RBBP8NL: variants seen among roughly 807,000 people sequenced by gnomAD.
RBBP8NL encodes RBBP8 N-terminal like, also known as RBBP8 N-terminal-like protein.
RBBP8NL carries 59 observed loss-of-function variants against 62.2 expected under a neutral mutation model. The observed-to-expected ratio is 0.95, with a 90% CI of 0.77 to 1.18. The LOEUF is 1.18. Ranked by LOEUF, RBBP8NL falls within the 50% of genes most tolerant of loss-of-function variation. RBBP8NL has a pLI of 0.00. For missense variants in RBBP8NL, 896 were observed against 899.5 expected (o/e 1.00, Z 0.05); for synonymous variants, 412 against 394.1 (o/e 1.05, Z -0.54).
At position 62,413,977 on chromosome 20, in the gene RBBP8NL, C is replaced by T. The variant is rs760700893; in HGVS notation, c.1374G>A (p.Pro458=). The T allele has an allele frequency of 5.5e-5, 87 of 1,571,260 alleles. No individual in the cohort carries two copies. The highest frequency in any genetic ancestry group is 1.7e-4 in the Middle Eastern group (1 of 5,924). The change falls in exon 10 of 14, where the codon CCG becomes CCA. Residue 458 remains proline, a synonymous_variant. Transcript: ENST00000252998. ...GGCTGAGTGACCCATGCTGGCCGGC[C>T]GGCTTGGGAGTGTCCTGGCCCCGGG... ...GRARGQDTPK[P]AGQHGSLSPA... is the part of the protein sequence containing the mutation.
chr20:62,424,527 T>A (rs1601492238), intron 1 of RBBP8NL, among the ~76,000 whole-genome samples: 1 of 152,206 alleles, frequency 6.6e-6, no homozygotes, highest in South Asian at 2.1e-4. Context: ...GGGGGACTGC[T>A]CCTTAAAACC....
intron 1 of RBBP8NL, among the ~76,000 whole-genome samples, chr20:62,426,862 C>G (rs958148552): frequency 6.6e-6 from 1 of 152,252 alleles, no homozygotes; most frequent in African/African-American, 2.4e-5. Context: ...TCAGGCACAG[C>G]AGCCCTGCAA....
chr20:62,413,016 G>T, intron 11 of RBBP8NL, 116 bp from the exon 12 acceptor site: 1 of 1,215,062 alleles, frequency 8.2e-7, no homozygotes, highest in Non-Finnish European at 1.2e-6. Flanking sequence ...AGGCACGGAG[G>T]GCCAAGTGAC....
chr20:62,418,464 G>GC lies in RBBP8NL; in HGVS notation c.62dup (p.Leu22ProfsTer149). 1 of 1,550,248 alleles carries GC rather than the reference G, an allele frequency of 6.5e-7. No individual in the cohort carries two copies. The highest frequency in any genetic ancestry group is 8.7e-7 in the Non-Finnish European group (1 of 1,146,878). On this transcript the variant is annotated frameshift_variant and splice_region_variant, in exon 3 of 14. Coordinates refer to ENST00000252998, the MANE Select transcript of RBBP8NL (RefSeq NM_080833.3). LOFTEE classifies it high-confidence loss of function. ...TCAGTTCCAGAAGCTTGTTCTGCAG[G>GC]CCTGGGGGAGCAAGCAGAGGGGCGG...
intron 3 of RBBP8NL, among the ~76,000 whole-genome samples, chr20:62,417,556 AAC>A (rs369624380): frequency 2.6e-5 from 1 of 38,786 alleles, no homozygotes; most frequent in African/African-American, 7.3e-5. Context: ...CCGTCCACGC[AAC>A]GCCCCCCCAG....
At chr20:62,411,620 C>T (rs1988436465) in intron 13 of RBBP8NL, among the ~76,000 whole-genome samples, 1 of 152,252 alleles carries the variant, frequency 6.6e-6, no homozygotes, top group African/African-American at 2.4e-5. Context: ...TTCTGGGGCA[C>T]TAGGCACGAG....
chr20:62,421,105 T>TTGGGAGGTTG (rs1259893293), intron 1 of RBBP8NL, among the ~76,000 whole-genome samples: 30 of 152,356 alleles, frequency 2.0e-4, no homozygotes, highest in African/African-American at 7.2e-4. Context: ...GGGATACCGG[T>TTGGGAGGTTG]CAAGTGGCTG....
Position 62,413,882 on chromosome 20 carries a change from G to A in RBBP8NL, c.1469C>T (p.Ala490Val). The change falls in exon 10 of 14, where the codon GCA (alanine) becomes GTA (valine). Residue 490 changes from alanine to valine, a missense_variant. Ala to Val is a moderately conservative substitution (Grantham distance 64, BLOSUM62 0). Transcript: ENST00000252998. ...GGTCCCCTTGGTGCCATTGCTGAGT[G>A]CCTGGGGACTGCGAGTCAGGGGTCC... ...QSGPLTRSPQ[A>V]LSNGTKGTRV... 1.3e-6 allele frequency: 2 copies of A among 1,596,020 alleles called. No homozygotes were observed. The highest frequency in any genetic ancestry group is 1.7e-6 in the Non-Finnish European group (2 of 1,172,084).
At position 62,416,502 on chromosome 20, in the gene RBBP8NL, A is replaced by T. The variant is rs534659537; in HGVS notation, c.313+258T>A. ...GCCTCAGCACTGCAGGACCTTCCGC[A>T]TCTCAGGAAGGAGGCCGCGCCCAGT... On this transcript the variant is annotated intron_variant, in intron 5 of 13. Transcript: ENST00000252998. Among the ~76,000 whole-genome samples the T allele has an allele frequency of 6.6e-5, 10 of 152,294 alleles. No individual in the cohort carries two copies. In the South Asian group the frequency reaches 1.9e-3, roughly 28 times the overall value.
chr20:62,416,925 G>C, intron 4 of RBBP8NL, 53 bp from the exon 5 acceptor site: 1 of 1,352,170 alleles, frequency 7.4e-7, no homozygotes, highest in Middle Eastern at 2.4e-4. Context: ...AGCCACAGAG[G>C]GCCTGGGACA....
rs34446012 is a variant in RBBP8NL, at chr20:62,414,187, T to C, written c.1164A>G (p.Leu388=). Residue 388 remains leucine (L), a synonymous_variant, in exon 10 of 14, where the codon CTA becomes CTG. Transcript: ENST00000252998. ...GGCCCTCAGAGTCTGAGCCGACTGG[T>C]AGGGAGGGCAGCATCTCCCCGGGTG... ...QPTPGEMLPS[L]PVGSDSEGPE... The C allele has an allele frequency of 9.0e-4, 1,447 of 1,609,484 alleles. 22 individuals are homozygous for C. In the African/African-American group the frequency reaches 0.016, roughly 18 times the overall value.
intron 1 of RBBP8NL, among the ~76,000 whole-genome samples, chr20:62,422,376 C>T (rs1356823139): frequency 6.6e-6 from 1 of 151,708 alleles, no homozygotes; most frequent in Non-Finnish European, 1.5e-5. Flanking sequence ...GTGGCCAAAC[C>T]ACCCAAGCCA....
In RBBP8NL at chr20:62,412,712, G is replaced by C. The variant is rs775357160; in HGVS notation, c.1788C>G (p.Thr596=). The C allele has an allele frequency of 1.9e-6, 3 of 1,610,780 alleles. No homozygotes were observed. Among genetic ancestry groups the C allele is most frequent in the Non-Finnish European group, 2.5e-6 (3 of 1,179,946 alleles). Residue 596 remains threonine, a synonymous_variant, in exon 13 of 14, where the codon ACC becomes ACG. Transcript: ENST00000252998. ...SSQAEATTST[T]GEGPECICTQ... The stretch of plus-strand genomic sequence containing the variant: ...TGCAGATGCACTCAGGCCCCTCCCC[G>C]GTCGTGCTCGTAGTGGCCTCCGCCT...
chr20:62,415,181 G>T lies in RBBP8NL; in HGVS notation c.734C>A (p.Pro245Gln). ...GGGTGGGCTGCTCCTGGCGGGCAGT[G>T]GTGGGGGCGTCCCATTGGCGGGGCC... Reference protein sequence around the residue: ...DRGPANGTPPPLPARSSPPSP... With the variant: ...DRGPANGTPPQLPARSSPPSP... Residue 245 changes from proline (P) to glutamine (Q), a missense_variant, in exon 9 of 14, where the codon CCA (proline) becomes CAA (glutamine). Transcript: ENST00000252998. 6 of 1,530,642 alleles carry T rather than the reference G, an allele frequency of 3.9e-6. No individual in the cohort carries two copies. Among genetic ancestry groups the T allele is most frequent in the Non-Finnish European group, 5.3e-6 (6 of 1,137,816 alleles). The allele number at this position is 1,530,642 out of a possible 1,614,324, so 94.8% of individuals were successfully genotyped here.
At chr20:62,414,601 T>G (rs1988520716) in intron 9 of RBBP8NL, 45 bp from the exon 10 acceptor site, 1 of 1,384,210 alleles carries the variant, frequency 7.2e-7, no homozygotes, top group Non-Finnish European at 9.4e-7. Flanking sequence ...TGTGGAGCCG[T>G]GACCGTCCCA....
chr20:62,421,670 T>C (rs1210061735), intron 1 of RBBP8NL, among the ~76,000 whole-genome samples: 1 of 149,406 alleles, frequency 6.7e-6, no homozygotes, highest in Non-Finnish European at 1.5e-5. Context: ...ATGTGCTGTG[T>C]GTGCATGCTC....
chr20:62,421,651 T>C (rs1442092172), intron 1 of RBBP8NL, among the ~76,000 whole-genome samples: 1 of 145,280 alleles, frequency 6.9e-6, no homozygotes, highest in Non-Finnish European at 1.5e-5. Flanking sequence ...AGAGCCAGTG[T>C]GCATGTGTAT....
rs1988413951 is a variant in RBBP8NL, at chr20:62,410,722, G to T, written c.*156C>A. 5 of 663,806 alleles carry T rather than the reference G, an allele frequency of 7.5e-6. No homozygotes were observed. Among genetic ancestry groups the T allele is most frequent in the Admixed American group, 2.4e-5 (1 of 41,386 alleles). 41.1% of individuals were successfully genotyped at this position (663,806 alleles called of 1,614,324 possible). ...GGCTGTGGTGAGCAGGCAGAGAGCT[G>T]CCCTGGGCTCACTGTGGGTTCAGCT... is the stretch of plus-strand genomic sequence containing the variant. On this transcript the variant is annotated 3_prime_UTR_variant, in exon 14 of 14. Coordinates refer to ENST00000252998, the MANE Select transcript of RBBP8NL (RefSeq NM_080833.3).
chr20:62,416,273 T>TGGGGTGGGGGG, intron 5 of RBBP8NL, 37 bp from the exon 6 acceptor site: 1 of 140,726 alleles, frequency 7.1e-6, no homozygotes, highest in Non-Finnish European at 1.4e-5. Context: ...AGCCAGGGGT[T>TGGGGTGGGGGG]GGGGGGGACA....
Sources: allele counts gnomAD v4.1 joint callset (sites outside exome capture counted in the v4.1 genomes callset), GRCh38; gene constraint gnomAD v4.1.1; transcripts MANE v1.5; gene names NCBI Gene and HGNC (gene_info 2026-07-23, HGNC 2026-07-21).